The following PPARGC1A variants were observed in gnomAD, a reference collection of about 807,000 sequenced individuals.
The protein encoded by PPARGC1A is peroxisome proliferator-activated receptor gamma coactivator 1-alpha.
PPARGC1A carries 25 observed loss-of-function variants against 88.7 expected under a neutral mutation model. That is an observed-to-expected ratio of 0.28 (90% CI 0.21 to 0.39). PPARGC1A has a LOEUF of 0.39. PPARGC1A is among the 10% of genes least tolerant of loss of function. The pLI is 1.00. For synonymous variants in PPARGC1A, 363 were observed against 355.6 expected, an observed-to-expected ratio of 1.02 and a Z score of -0.24; for missense variants, 880 against 968.7, an observed-to-expected ratio of 0.91 and a Z score of 1.22.
the PPARGC1A span, among the ~76,000 whole-genome samples, chr4:24,321,925 G>A: frequency 1.3e-5 from 2 of 152,104 alleles, no homozygotes; most frequent in African/African-American, 2.4e-5. Context: ...AGAAATAATC[G>A]GCCTCTGACC....
At chr4:23,934,146 A>G in the PPARGC1A span, among the ~76,000 whole-genome samples, 1 of 152,202 alleles carries the variant, frequency 6.6e-6, no homozygotes, top group Non-Finnish European at 1.5e-5. Flanking sequence ...GGAAGGGTGA[A>G]TCTGGCTGAG....
At chr4:24,315,643 G>A in the PPARGC1A span, among the ~76,000 whole-genome samples, 1 of 152,126 alleles carries the variant, frequency 6.6e-6, no homozygotes, top group African/African-American at 2.4e-5. Flanking sequence ...AGGACATTTA[G>A]CAATATCTAG....
At chr4:24,275,939 A>G in the PPARGC1A span, among the ~76,000 whole-genome samples, 1 of 152,244 alleles carries the variant, frequency 6.6e-6, no homozygotes, top group East Asian at 1.9e-4. Flanking sequence ...CCTAAGATAA[A>G]AGGAGGGAAG....
chr4:23,812,722 TA>T (rs1721150132), intron 10 of PPARGC1A, 24 bp downstream of exon 10: 1 of 1,611,824 alleles, frequency 6.2e-7, no homozygotes, highest in Admixed American at 1.7e-5. Flanking sequence ...TACTTTAAAA[TA>T]AAAGTGAGCT....
the PPARGC1A span, among the ~76,000 whole-genome samples, chr4:24,261,614 C>T: frequency 8.5e-5 from 13 of 152,168 alleles, no homozygotes; most frequent in African/African-American, 7.2e-5. Flanking sequence ...CTAGGAAGAG[C>T]TTTTAATTTT....
chr4:24,202,384 T>G, the PPARGC1A span, among the ~76,000 whole-genome samples: 10 of 152,156 alleles, frequency 6.6e-5, no homozygotes, highest in African/African-American at 1.7e-4. Context: ...TTGTTGTTGT[T>G]GTGGTCCCAC....
chr4:23,907,467 G>C (rs1014447177), upstream of PPARGC1A, among the ~76,000 whole-genome samples: 1 of 152,186 alleles, frequency 6.6e-6, no homozygotes, highest in East Asian at 1.9e-4. Context: ...AGAATACGTT[G>C]GTTGTGAAGG....
chr4:24,050,451 C>G, the PPARGC1A span, among the ~76,000 whole-genome samples: 2 of 152,058 alleles, frequency 1.3e-5, no homozygotes, highest in Non-Finnish European at 2.9e-5. Flanking sequence ...CCACCTCAGC[C>G]TCCCAAAGTG....
At chr4:23,863,862 T>A (rs1176586995) in intron 2 of PPARGC1A, among the ~76,000 whole-genome samples, 7 of 152,168 alleles carry the variant, frequency 4.6e-5, no homozygotes, top group Non-Finnish European at 8.8e-5. Flanking sequence ...TTCTCCTGCC[T>A]CAGCTTTCCC....
the PPARGC1A span, among the ~76,000 whole-genome samples, chr4:24,109,829 T>C: frequency 6.6e-6 from 1 of 152,074 alleles, no homozygotes; most frequent in Non-Finnish European, 1.5e-5. Context: ...TTCTTGAAAA[T>C]GCGTTCCGTG....
At chr4:24,133,788 G>C in the PPARGC1A span, among the ~76,000 whole-genome samples, 1 of 152,172 alleles carries the variant, frequency 6.6e-6, no homozygotes, top group African/African-American at 2.4e-5. Context: ...TCTCTGTAGG[G>C]TGGCTTAACC....
the PPARGC1A span, among the ~76,000 whole-genome samples, chr4:24,459,595 G>C: frequency 2.0e-5 from 3 of 152,122 alleles, no homozygotes; most frequent in Non-Finnish European, 4.4e-5. Flanking sequence ...TTCGAGACCA[G>C]CCTGGGAAGC....
At chr4:23,844,326 CAT>C (rs200873404) in intron 2 of PPARGC1A, among the ~76,000 whole-genome samples, 31,972 of 125,038 alleles carry the variant, frequency 0.26, 4,408 homozygotes, top group Admixed American at 0.37. Flanking sequence ...TTAGAATAAT[CAT>C]AAACTATATT....
the PPARGC1A span, among the ~76,000 whole-genome samples, chr4:23,910,430 A>AAT: frequency 1.3e-4 from 15 of 118,166 alleles, no homozygotes; most frequent in Admixed American, 3.7e-4. Context: ...TTATTAATAT[A>AAT]ATATATATAT....
intron 2 of PPARGC1A, among the ~76,000 whole-genome samples, chr4:23,834,778 CA>C (rs1304969955): frequency 2.0e-5 from 3 of 152,004 alleles, no homozygotes; most frequent in African/African-American, 4.8e-5. Context: ...ATCTGGTATC[CA>C]AAGATTTCAA....
At chr4:24,349,696 G>A in the PPARGC1A span, among the ~76,000 whole-genome samples, 1 of 152,120 alleles carries the variant, frequency 6.6e-6, no homozygotes, top group African/African-American at 2.4e-5. Flanking sequence ...GAGGGCAAGA[G>A]GGGCGTGAAA....
the PPARGC1A span, among the ~76,000 whole-genome samples, chr4:24,219,194 T>C: frequency 6.6e-6 from 1 of 152,224 alleles, no homozygotes; most frequent in East Asian, 1.9e-4. Context: ...CCCACAACCC[T>C]TGGCAAAAGT....
the PPARGC1A span, among the ~76,000 whole-genome samples, chr4:23,992,434 T>C: frequency 6.6e-6 from 1 of 152,212 alleles, no homozygotes; most frequent in South Asian, 2.1e-4. Flanking sequence ...TTAGCCTACA[T>C]AACACCCTGT....
the PPARGC1A span, among the ~76,000 whole-genome samples, chr4:24,287,996 C>T: frequency 6.6e-6 from 1 of 152,070 alleles, no homozygotes; most frequent in Non-Finnish European, 1.5e-5. Context: ...ACCCTCTCTC[C>T]CTCCCCCTCA....
Sources: allele counts gnomAD v4.1 joint callset (sites outside exome capture counted in the v4.1 genomes callset), GRCh38; gene constraint gnomAD v4.1.1; transcripts MANE v1.5; gene names NCBI Gene and HGNC (gene_info 2026-07-23, HGNC 2026-07-21).